AGMO: variants seen among roughly 807,000 people sequenced by gnomAD.
AGMO encodes alkylglycerol monooxygenase, also known as glyceryl-ether monooxygenase.
A neutral mutation model predicts 60.2 loss-of-function variants in AGMO; 75 were observed. That is an observed-to-expected ratio of 1.25 (90% CI 1.03 to 1.51). The LOEUF is 1.51. AGMO is among the 40% of genes most tolerant of loss of function. The probability of loss-of-function intolerance (pLI) is 0.00; values close to 1 mark genes in which losing one functional copy is unlikely to be tolerated. For missense variants in AGMO, 763 were observed against 525.5 expected, an observed-to-expected ratio of 1.45 and a Z score of -4.42; for synonymous variants, 261 against 177.1, an observed-to-expected ratio of 1.47 and a Z score of -3.76.
chr7:15,207,071 G>A (rs1432737798), intron 12 of AGMO, among the ~76,000 whole-genome samples: 2 of 152,156 alleles, frequency 1.3e-5, no homozygotes, highest in African/African-American at 4.8e-5. Flanking sequence ...TACTACAGAA[G>A]AGAAGCCTAT....
At chr7:15,395,688 A>T (rs1784345295) in intron 5 of AGMO, among the ~76,000 whole-genome samples, 1 of 152,208 alleles carries the variant, frequency 6.6e-6, no homozygotes, top group African/African-American at 2.4e-5. Context: ...ATTTATTGTT[A>T]TTCTAATTTT....
chr7:15,218,613 AT>A (rs1205643296), intron 12 of AGMO, among the ~76,000 whole-genome samples: 97 of 152,126 alleles, frequency 6.4e-4, no homozygotes, highest in Non-Finnish European at 2.5e-4. Flanking sequence ...TGGATATTTT[AT>A]TTTTTCTGTA....
chr7:15,151,472 C>A, the AGMO span, among the ~76,000 whole-genome samples: 1 of 152,064 alleles, frequency 6.6e-6, no homozygotes, highest in Admixed American at 6.6e-5. Flanking sequence ...ACTTTCAACA[C>A]TGCTTTTGCA....
At chr7:15,177,285 G>C in the AGMO span, among the ~76,000 whole-genome samples, 1 of 151,840 alleles carries the variant, frequency 6.6e-6, no homozygotes, top group Non-Finnish European at 1.5e-5. Context: ...TGAAAAAGAT[G>C]TTTCTTTGTT....
intron 12 of AGMO, among the ~76,000 whole-genome samples, chr7:15,300,962 G>A (rs1206828375): frequency 6.6e-6 from 1 of 152,068 alleles, no homozygotes; most frequent in Non-Finnish European, 1.5e-5. Context: ...GAATCTATCT[G>A]TCTCTCTCTT....
intron 12 of AGMO, among the ~76,000 whole-genome samples, chr7:15,209,102 T>C (rs1781510950): frequency 6.6e-6 from 1 of 152,196 alleles, no homozygotes; most frequent in African/African-American, 2.4e-5. Flanking sequence ...ACTGGCAGTG[T>C]CGCCCATTTC....
chr7:15,396,518 C>G (rs941670236), intron 5 of AGMO: 5 of 152,244 alleles, frequency 3.3e-5, no homozygotes, highest in African/African-American at 7.2e-5. Flanking sequence ...GCAATACATA[C>G]ATTGCAAAGA....
At chr7:15,155,302 T>C in the AGMO span, among the ~76,000 whole-genome samples, 1 of 151,906 alleles carries the variant, frequency 6.6e-6, no homozygotes, top group African/African-American at 2.4e-5. Flanking sequence ...ATTAAAAAAT[T>C]TTTTTCTTTA....
intron 12 of AGMO, among the ~76,000 whole-genome samples, chr7:15,292,532 G>A (rs1784294470): frequency 6.6e-6 from 1 of 152,058 alleles, no homozygotes; most frequent in Non-Finnish European, 1.5e-5. Flanking sequence ...ATGATAGTGA[G>A]TTCAATTTTT....
intron 12 of AGMO, 97 bp from the exon 13 acceptor site, chr7:15,201,456 T>C (rs1043572606): frequency 1.6e-5 from 14 of 850,208 alleles, no homozygotes; most frequent in Non-Finnish European, 2.2e-5. Flanking sequence ...AAAATGAACA[T>C]GGACATTTTA....
At chr7:15,352,991 G>C (rs1289514412) in intron 12 of AGMO, among the ~76,000 whole-genome samples, 3 of 152,082 alleles carry the variant, frequency 2.0e-5, no homozygotes, top group Non-Finnish European at 4.4e-5. Context: ...CGGATGCGCA[G>C]GTCATAAATC....
intron 10 of AGMO, among the ~76,000 whole-genome samples, chr7:15,383,225 T>G (rs1013214845): frequency 6.6e-6 from 1 of 152,170 alleles, no homozygotes; most frequent in South Asian, 2.1e-4. Context: ...GGTAGCCATC[T>G]TGCCACCATG....
intron 4 of AGMO, among the ~76,000 whole-genome samples, chr7:15,421,685 G>T (rs368949563): frequency 2.8e-4 from 42 of 152,230 alleles, no homozygotes; most frequent in African/African-American, 9.9e-4. Context: ...AGGTTGTAAA[G>T]TTCAACTTGG....
chr7:15,255,281 C>A (rs1210015092), intron 12 of AGMO, among the ~76,000 whole-genome samples: 1 of 152,060 alleles, frequency 6.6e-6, no homozygotes, highest in Admixed American at 6.6e-5. Context: ...TTGATGGGTG[C>A]AGCAAACCAC....
At chr7:15,531,368 A>T (rs1317983145) in intron 3 of AGMO, among the ~76,000 whole-genome samples, 34 of 83,904 alleles carry the variant, frequency 4.1e-4, no homozygotes, top group African/African-American at 1.9e-3. Flanking sequence ...CTATATATAT[A>T]TTCTATATAT....
At chr7:15,197,849 G>T (rs184448908), downstream of AGMO, among the ~76,000 whole-genome samples, 36 of 152,154 alleles carry the variant, frequency 2.4e-4, no homozygotes, top group Non-Finnish European at 8.8e-5. Flanking sequence ...TTATTCAGAT[G>T]TCTGACATCG....
the AGMO span, among the ~76,000 whole-genome samples, chr7:15,123,587 G>C: frequency 3.9e-5 from 6 of 151,962 alleles, no homozygotes; most frequent in Non-Finnish European, 7.4e-5. Context: ...ACAGACTTTT[G>C]ATAATGTATA....
At chr7:15,184,755 TAAGG>T in the AGMO span, among the ~76,000 whole-genome samples, 1 of 107,184 alleles carries the variant, frequency 9.3e-6, no homozygotes, top group Non-Finnish European at 1.9e-5. Context: ...AGGAAAGTAT[TAAGG>T]AAGGAAAAGA....
At chr7:15,321,530 A>G (rs917995666) in intron 12 of AGMO, among the ~76,000 whole-genome samples, 2 of 152,132 alleles carry the variant, frequency 1.3e-5, no homozygotes, top group African/African-American at 4.8e-5. Context: ...AGGGGAGTAG[A>G]GCCAGAAGGA....
Sources: gnomAD v4.1 joint callset for allele counts (sites outside exome capture counted in the v4.1 genomes callset) on GRCh38, gnomAD v4.1.1 for gene constraint, MANE v1.5 for transcripts, NCBI Gene and HGNC (gene_info 2026-07-23, HGNC 2026-07-21) for gene names.